EXOC4: variants seen among roughly 807,000 people sequenced by gnomAD.
EXOC4 encodes SEC8-like 1.
A neutral mutation model predicts 107.2 loss-of-function variants in EXOC4; 71 were observed. The observed-to-expected ratio is 0.66, with a 90% CI of 0.55 to 0.81. EXOC4 has a LOEUF of 0.81. Ranked by LOEUF, EXOC4 falls within the 30% of genes least tolerant of loss-of-function variation. EXOC4 has a pLI of 0.00. For missense variants in EXOC4, 1,108 were observed against 1,189.6 expected, an observed-to-expected ratio of 0.93 and a Z score of 1.01; for synonymous variants, 456 against 441.2, an observed-to-expected ratio of 1.03 and a Z score of -0.42.
At chr7:133,997,751 T>C in intron 15 of EXOC4, 118 bp downstream of exon 15, 1 of 1,155,888 alleles carries the variant, frequency 8.7e-7, no homozygotes, top group Non-Finnish European at 1.2e-6. Context: ...ATGTTATCCC[T>C]TTTTACACTG....
intron 10 of EXOC4, among the ~76,000 whole-genome samples, chr7:133,737,556 T>C (rs536629226): frequency 1.3e-5 from 2 of 152,314 alleles, no homozygotes; most frequent in East Asian, 3.9e-4. Flanking sequence ...AGTATAGAAC[T>C]GGTAGCTTAC....
intron 7 of EXOC4, among the ~76,000 whole-genome samples, chr7:133,415,605 C>G (rs1584899209): frequency 6.6e-6 from 1 of 152,042 alleles, no homozygotes; most frequent in South Asian, 2.1e-4. Flanking sequence ...TCTCGATACA[C>G]ACATGTATGA....
In EXOC4 at chr7:133,363,609, T is replaced by TAA. The variant is rs10714895; in HGVS notation, c.1007+7055_1007+7056dup. On this transcript the variant is annotated intron_variant, in intron 6 of 17. Coordinates refer to ENST00000253861, the MANE Select transcript of EXOC4 (RefSeq NM_021807.4). ...ACCTTTGTGTTTTATGTGGCAAAGT[T>TAA]AAAAAAAAAAAAAAAAAAAACCTAC... 2.4e-3 allele frequency among the ~76,000 whole-genome samples: 336 copies of TAA among 142,562 alleles called. 3 individuals carry two copies. Among genetic ancestry groups the TAA allele is most frequent in the African/African-American group, 8.3e-3 (320 of 38,642 alleles). The allele number at this position is 142,562 out of a possible 152,430, so 93.5% of individuals were successfully genotyped here.
intron 5 of EXOC4, among the ~76,000 whole-genome samples, chr7:133,343,213 G>T (rs2150629997): frequency 6.6e-6 from 1 of 152,230 alleles, no homozygotes; most frequent in African/African-American, 2.4e-5. Flanking sequence ...CCCCCAGCAT[G>T]ATCCCTTGAT....
chr7:133,470,213 C>A (rs530651828), intron 7 of EXOC4, among the ~76,000 whole-genome samples: 11 of 152,002 alleles, frequency 7.2e-5, no homozygotes, highest in Non-Finnish European at 1.6e-4. Context: ...TAATTCTAAG[C>A]CTATGACTCT....
intron 10 of EXOC4, among the ~76,000 whole-genome samples, chr7:133,719,647 A>T (rs1339170418): frequency 6.6e-6 from 1 of 152,050 alleles, no homozygotes; most frequent in Non-Finnish European, 1.5e-5. Context: ...AAAAGAGTTA[A>T]GAAGTAATCA....
chr7:133,418,352 TG>T (rs1241398093), intron 7 of EXOC4, among the ~76,000 whole-genome samples: 1 of 152,208 alleles, frequency 6.6e-6, no homozygotes, highest in East Asian at 1.9e-4. Flanking sequence ...TAGCTCTTTT[TG>T]CTTACTGAGG....
At chr7:133,313,109 A>C (rs1584801464) in intron 4 of EXOC4, among the ~76,000 whole-genome samples, 1 of 141,788 alleles carries the variant, frequency 7.1e-6, no homozygotes, top group African/African-American at 2.6e-5. Context: ...TTCTGTTTAC[A>C]TATGTTGGTT....
At chr7:133,711,371 TAGAG>T (rs1794889618) in intron 10 of EXOC4, among the ~76,000 whole-genome samples, 1 of 152,202 alleles carries the variant, frequency 6.6e-6, no homozygotes, top group African/African-American at 2.4e-5. Flanking sequence ...AAACTCAAAA[TAGAG>T]AGAGTTTCAT....
At chr7:133,542,264 G>A (rs1437481006) in intron 9 of EXOC4, among the ~76,000 whole-genome samples, 1 of 151,246 alleles carries the variant, frequency 6.6e-6, no homozygotes, top group Non-Finnish European at 1.5e-5. Context: ...GTTCAACAAA[G>A]TATAGACAAT....
intron 10 of EXOC4, among the ~76,000 whole-genome samples, chr7:133,789,030 T>G (rs1796649180): frequency 6.6e-6 from 1 of 152,222 alleles, no homozygotes; most frequent in African/African-American, 2.4e-5. Context: ...TATTTTGCAA[T>G]GTCTCCTATC....
chr7:133,281,194 A>G (rs1199423881), intron 2 of EXOC4, among the ~76,000 whole-genome samples: 6 of 152,188 alleles, frequency 3.9e-5, no homozygotes, highest in Non-Finnish European at 8.8e-5. Flanking sequence ...AAACAGAACA[A>G]TGAGTGGTAT....
In EXOC4 at chr7:134,053,237, CA is replaced by C. The variant is rs59323264; in HGVS notation, c.2688-11039del. Among the ~76,000 whole-genome samples, 1,081 of 120,902 alleles carry C rather than the reference CA, an allele frequency of 8.9e-3. 4 individuals are homozygous for C. Among genetic ancestry groups the C allele is most frequent in the African/African-American group, 0.019 (634 of 33,094 alleles). 79.3% of individuals were successfully genotyped at this position (120,902 alleles called of 152,430 possible). A position where few individuals can be genotyped will look rare whatever the true frequency, so the allele number is the denominator to read the frequency against. ...TGGACGACAGAGCGAAACTCCATCT[CA>C]AAAAAAAAAAAAAAGAAGAAGAATT... On this transcript the variant is annotated intron_variant, in intron 17 of 17. Transcript: ENST00000253861.
intron 10 of EXOC4, among the ~76,000 whole-genome samples, chr7:133,708,139 A>C (rs1794809030): frequency 6.6e-6 from 1 of 152,226 alleles, no homozygotes; most frequent in African/African-American, 2.4e-5. Context: ...GGTGAAGCAG[A>C]AGTATATGAC....
Position 133,935,974 on chromosome 7 carries a change from A to G in EXOC4, c.2028-1917A>G, listed in dbSNP as rs13220988. Reference sequence around the variant, plus strand: ...CTCCAGATAATAATGCTTGGAGTTAAGCAGTGTCACACAACAAGCAAGTGG... The same window carrying G: ...CTCCAGATAATAATGCTTGGAGTTAGGCAGTGTCACACAACAAGCAAGTGG... On this transcript the variant is annotated intron_variant, in intron 13 of 17. Transcript: ENST00000253861. 7.2e-3 allele frequency among the ~76,000 whole-genome samples: 1,092 copies of G among 152,336 alleles called. 6 individuals carry two copies. The highest frequency in any genetic ancestry group is 0.027 in the Middle Eastern group (8 of 294).
intron 9 of EXOC4, among the ~76,000 whole-genome samples, chr7:133,504,078 G>A (rs999946360): frequency 1.5e-4 from 23 of 152,012 alleles, no homozygotes; most frequent in African/African-American, 5.6e-4. Flanking sequence ...GACTTGGAGA[G>A]CCTTATTATC....
At chr7:133,680,955 T>A (rs1794173727) in intron 10 of EXOC4, among the ~76,000 whole-genome samples, 1 of 152,244 alleles carries the variant, frequency 6.6e-6, no homozygotes, top group African/African-American at 2.4e-5. Flanking sequence ...GAAATTTAAA[T>A]GATTTTTACG....
At chr7:133,843,316 C>T (rs1247234985) in intron 11 of EXOC4, among the ~76,000 whole-genome samples, 16 of 151,936 alleles carry the variant, frequency 1.1e-4, no homozygotes, top group Admixed American at 2.0e-4. Flanking sequence ...GAATGTTTTT[C>T]TATTTGTTAT....
intron 17 of EXOC4, among the ~76,000 whole-genome samples, chr7:134,010,771 T>C (rs1367238956): frequency 6.6e-6 from 1 of 152,230 alleles, no homozygotes; most frequent in Non-Finnish European, 1.5e-5. Flanking sequence ...AGTTGCAAAG[T>C]GCTTGTAGTT....
Sources: allele counts gnomAD v4.1 joint callset (sites outside exome capture counted in the v4.1 genomes callset), GRCh38; gene constraint gnomAD v4.1.1; transcripts MANE v1.5; gene names NCBI Gene and HGNC (gene_info 2026-07-23, HGNC 2026-07-21).